Variants in CASS4 observed in about 807,000 individuals in gnomAD.
CASS4 encodes Cas scaffold protein family member 4, also known as cas scaffolding protein family member 4.
CASS4 carries 22 observed loss-of-function variants against 54.2 expected under a neutral mutation model. The observed-to-expected ratio is 0.41, with a 90% confidence interval of 0.29 to 0.58. The LOEUF (loss-of-function observed/expected upper bound fraction) is 0.58, where lower values mean the gene tolerates loss of function less well. CASS4 is among the 20% of genes least tolerant of loss of function. The probability of loss-of-function intolerance (pLI) is 0.36; values close to 1 mark genes in which losing one functional copy is unlikely to be tolerated. For missense variants in CASS4, 854 were observed against 986.7 expected (o/e 0.87, Z 1.80); for synonymous variants, 409 against 391.5 (o/e 1.04, Z -0.53).
At chr20:56,451,608 G>T (rs1161682080) in intron 4 of CASS4, among the ~76,000 whole-genome samples, 3 of 152,138 alleles carry the variant, frequency 2.0e-5, no homozygotes, top group African/African-American at 7.2e-5. Context: ...TTGGGTGGCT[G>T]GACCTGTAAG....
chr20:56,449,288 G>A (rs1048459272), intron 3 of CASS4, among the ~76,000 whole-genome samples: 15 of 152,164 alleles, frequency 9.9e-5, no homozygotes, highest in South Asian at 2.1e-4. Flanking sequence ...CATAAAAAAC[G>A]ATGAGTTCAT....
intron 3 of CASS4, among the ~76,000 whole-genome samples, chr20:56,448,059 G>A (rs1045408581): frequency 6.6e-6 from 1 of 151,540 alleles, no homozygotes; most frequent in South Asian, 2.1e-4. Context: ...GGAGAGTGGC[G>A]TGAACCCGGG....
chr20:56,412,411 T>A lies in CASS4; in HGVS notation c.-48T>A. ...ACATTGCACAATCTGCCTCTGAAGC[T>A]GGAGATACTAGCTGCAGAGCTCAGG... On this transcript the variant is annotated 5_prime_UTR_variant, in exon 1 of 6. Transcript: ENST00000679887. The surrounding 1 kb of genome is among the most constrained non-coding windows in gnomAD (Gnocchi z 4.2). The A allele has an allele frequency of 1.2e-6, 2 of 1,603,422 alleles. No homozygotes were observed. Among genetic ancestry groups the A allele is most frequent in the Non-Finnish European group, 1.7e-6 (2 of 1,172,992 alleles).
chr20:56,428,038 G>T lies in CASS4; in HGVS notation c.37-9126G>T, dbSNP rs760129283. On this transcript the variant is annotated intron_variant, in intron 1 of 5. Coordinates refer to ENST00000679887, the MANE Select transcript of CASS4 (RefSeq NM_020356.4). Reference sequence around the variant, plus strand: ...GTTACCATCTCCACCACTAGTTTGGGGAACTTCCTTATTTACCACCTCCCA... The same window carrying T: ...GTTACCATCTCCACCACTAGTTTGGTGAACTTCCTTATTTACCACCTCCCA... Among the ~76,000 whole-genome samples, 39 of 152,228 alleles carry T rather than the reference G, an allele frequency of 2.6e-4. 1 individual carries two copies. The highest frequency in any genetic ancestry group is 1.0e-3 in the South Asian group (5 of 4,816).
chr20:56,458,319 T>C (rs757116161), intron 5 of CASS4, 21 bp from the exon 6 acceptor site: 1 of 1,592,340 alleles, frequency 6.3e-7, no homozygotes, highest in South Asian at 1.1e-5. Context: ...TCCTATCTAT[T>C]TTCTTCCTTC....
rs1981059779 is a variant in CASS4 at position 56,452,290 on chromosome 20, G to T, written c.1114G>T (p.Val372Leu). The T allele has an allele frequency of 6.2e-7, 1 of 1,613,888 alleles. No individual in the cohort carries two copies. The highest frequency in any genetic ancestry group is 1.6e-4 in the Middle Eastern group (1 of 6,062). The change falls in exon 5 of 6, where the codon GTG (valine) becomes TTG (leucine). Residue 372 changes from valine to leucine, a missense_variant. Coordinates refer to ENST00000679887, the MANE Select transcript of CASS4 (RefSeq NM_020356.4). ...AGKELEKAKE[V>L]SENSAGHNSS... ...GAAGGAGCTGGAGAAAGCCAAGGAG[G>T]TGTCAGAGAATTCCGCGGGCCATAA...
chr20:56,419,207 G>T (rs886745182), intron 1 of CASS4, among the ~76,000 whole-genome samples: 1 of 152,168 alleles, frequency 6.6e-6, no homozygotes, highest in East Asian at 1.9e-4. Flanking sequence ...TGGGAGGCTG[G>T]TAAGAGAGCT....
intron 2 of CASS4, among the ~76,000 whole-genome samples, chr20:56,441,901 G>A (rs1357651730): frequency 2.0e-5 from 3 of 152,206 alleles, no homozygotes; most frequent in Admixed American, 6.5e-5. Context: ...AGAAGAACTT[G>A]AAGACCAGTT....
At position 56,413,672 on chromosome 20, in the gene CASS4, C is replaced by CAAAAA. The variant is rs35217347; in HGVS notation, c.36+1201_36+1205dup. On this transcript the variant is annotated intron_variant, in intron 1 of 5. Coordinates refer to ENST00000679887, the MANE Select transcript of CASS4 (RefSeq NM_020356.4). ...TGGGTGACAGAGCAAGACTCTGTCT[C>CAAAAA]AAAAAAAAAAAAAAAAAAAAAAAAA... 3.2e-4 allele frequency among the ~76,000 whole-genome samples: 9 copies of CAAAAA among 28,302 alleles called. 1 individual carries two copies. The highest frequency in any genetic ancestry group is 7.3e-4 in the African/African-American group (5 of 6,838). 18.6% of individuals were successfully genotyped at this position (28,302 alleles called of 152,430 possible). A position where few individuals can be genotyped will look rare whatever the true frequency, so the allele number is the denominator to read the frequency against.
intron 2 of CASS4, among the ~76,000 whole-genome samples, chr20:56,445,698 C>T (rs928807728): frequency 4.6e-5 from 7 of 152,276 alleles, no homozygotes; most frequent in East Asian, 1.9e-4. Flanking sequence ...GGGCCACGTG[C>T]GAGGAAGGCT....
chr20:56,435,256 C>G (rs1980100138), intron 1 of CASS4, among the ~76,000 whole-genome samples: 4 of 152,122 alleles, frequency 2.6e-5, no homozygotes, highest in Non-Finnish European at 5.9e-5. Context: ...AGGCAAGAAG[C>G]ACAATAATTT....
intron 1 of CASS4, among the ~76,000 whole-genome samples, chr20:56,422,450 T>G (rs1261728195): frequency 6.6e-6 from 1 of 152,242 alleles, no homozygotes; most frequent in Non-Finnish European, 1.5e-5. Context: ...GCCAATTCAA[T>G]GAAGCCTTAA....
At chr20:56,436,434 G>T in intron 1 of CASS4, among the ~76,000 whole-genome samples, 1 of 149,070 alleles carries the variant, frequency 6.7e-6, no homozygotes, top group Non-Finnish European at 1.5e-5. Flanking sequence ...GTCATATATA[G>T]TGTGTGTGTG....
chr20:56,431,886 T>C (rs1875087598), intron 1 of CASS4, among the ~76,000 whole-genome samples: 1 of 152,248 alleles, frequency 6.6e-6, no homozygotes, highest in Non-Finnish European at 1.5e-5. Flanking sequence ...ATTATTTCAT[T>C]ATAGCCTCTG....
At chr20:56,448,017 C>T (rs1362237187) in intron 3 of CASS4, among the ~76,000 whole-genome samples, 1 of 152,086 alleles carries the variant, frequency 6.6e-6, no homozygotes, top group Non-Finnish European at 1.5e-5. Context: ...TGGCAGGTGC[C>T]TGTAGTCCCA....
chr20:56,445,098 G>A (rs756399168), intron 2 of CASS4, among the ~76,000 whole-genome samples: 2 of 149,344 alleles, frequency 1.3e-5, no homozygotes, highest in South Asian at 2.1e-4. Context: ...CAACAGGAGC[G>A]AAGATCCATC....
intron 3 of CASS4, among the ~76,000 whole-genome samples, chr20:56,448,067 G>A (rs1214391048): frequency 4.6e-5 from 7 of 151,606 alleles, no homozygotes; most frequent in South Asian, 4.2e-4. Context: ...GCGTGAACCC[G>A]GGAGGCGGAG....
chr20:56,426,912 A>T (rs1443300925), intron 1 of CASS4, among the ~76,000 whole-genome samples: 6 of 152,130 alleles, frequency 3.9e-5, no homozygotes, highest in African/African-American at 1.2e-4. Context: ...GTTATAGGAA[A>T]ATAATACTAG....
At chr20:56,439,568 C>T (rs548756880) in intron 2 of CASS4, among the ~76,000 whole-genome samples, 1 of 151,810 alleles carries the variant, frequency 6.6e-6, no homozygotes, top group Admixed American at 6.6e-5. Flanking sequence ...CCCAGCTACT[C>T]AGGAGGCTGT....
Sources: gnomAD v4.1 joint callset for allele counts (sites outside exome capture counted in the v4.1 genomes callset) on GRCh38, gnomAD v4.1.1 for gene constraint, Gnocchi (gnomAD v3.1) non-coding constraint, MANE v1.5 for transcripts, NCBI Gene and HGNC (gene_info 2026-07-23, HGNC 2026-07-21) for gene names.